The following ARHGEF2 variants were observed in gnomAD, a reference collection of about 807,000 sequenced individuals.
ARHGEF2 encodes the protein rho guanine nucleotide exchange factor 2.
Under a neutral mutation model 121.0 loss-of-function variants are expected in ARHGEF2, and 22 were observed. That is an observed-to-expected ratio of 0.18 (90% CI 0.13 to 0.26). The LOEUF (loss-of-function observed/expected upper bound fraction) is 0.26. ARHGEF2 is among the 10% of genes least tolerant of loss of function. ARHGEF2 has a pLI of 1.00. For missense variants in ARHGEF2, 907 were observed against 1,336.0 expected (o/e 0.68, Z 5.01); for synonymous variants, 487 against 530.0 (o/e 0.92, Z 1.11).
chr1:155,964,676 T>G (rs1678982370), intron 7 of ARHGEF2, among the ~76,000 whole-genome samples: 1 of 151,538 alleles, frequency 6.6e-6, no homozygotes, highest in Admixed American at 6.6e-5. Context: ...TCCCAGCACT[T>G]TGGGAGGCTG....
Position 155,978,114 on chromosome 1 carries a change from T to C in ARHGEF2, c.63+251A>G. 1 of 1,233,400 alleles carries C rather than the reference T, an allele frequency of 8.1e-7. No homozygotes were observed. The highest frequency in any genetic ancestry group is 1.0e-6 in the Non-Finnish European group (1 of 983,024). The allele number at this position is 1,233,400 out of a possible 1,614,324, so 76.4% of individuals were successfully genotyped here. A position where few individuals can be genotyped will look rare whatever the true frequency, so the allele number is the denominator to read the frequency against. ...GCCTAAAGCACTCGGTCCCGCCGGC[T>C]TGGAGGCGACCAAGCCCAGGTCCGC... On this transcript the variant is annotated intron_variant, in intron 1 of 21. Transcript: ENST00000361247. The surrounding 1 kb of genome is among the most constrained non-coding windows in gnomAD (Gnocchi z 4.1).
At position 155,961,868 on chromosome 1, in the gene ARHGEF2, G is replaced by T. The variant is rs1678003694; in HGVS notation, c.1261C>A (p.Leu421Ile). Residue 421 changes from leucine (L) to isoleucine (I), a missense_variant, in exon 11 of 22, where the codon CTA (leucine) becomes ATA (isoleucine). Around this residue, in one of 2 missense-constraint regions of ARHGEF2, gnomAD observed 475 missense variants for 776.5 expected, o/e 0.61. Transcript: ENST00000361247. This position sits in a 1 kb window ranked among gnomAD's most constrained non-coding sequence, Gnocchi z 4.7. ...ERQDLTTALG[L>I]VKELLSNVDE... ...ACATTGGACAGCAGCTCCTTCACTA[G>T]CCCCAGTGCTGTGGTCAGGTCCTGG... is the stretch of plus-strand genomic sequence containing the variant. The T allele has an allele frequency of 6.2e-7, 1 of 1,614,026 alleles. No individual in the cohort carries two copies. The highest frequency in any genetic ancestry group is 1.7e-5 in the Admixed American group (1 of 60,004).
At position 155,952,170 on chromosome 1, in the gene ARHGEF2, C is replaced by G. The variant is rs1485233563; in HGVS notation, c.2050G>C (p.Ala684Pro). The change falls in exon 16 of 22, where the codon GCC (alanine) becomes CCC (proline). Residue 684 changes from alanine to proline, a missense_variant. Physicochemically the swap from Ala to Pro is conservative, Grantham distance 27. Around this residue, in one of 2 missense-constraint regions of ARHGEF2, gnomAD observed 432 missense variants for 559.5 expected, o/e 0.77. Coordinates refer to ENST00000361247, the MANE Select transcript of ARHGEF2 (RefSeq NM_001162383.2). ...CCGCTGTCTGGTTCCAAGGGCAGGG[C>G]TGGCTCTCGGGGTGTCAAGAGCAGT... ...VELLLTPREP[A>P]LPLEPDSGGN... 6.2e-7 allele frequency: 1 copy of G among 1,614,196 alleles called. No individual in the cohort carries two copies. Among genetic ancestry groups the G allele is most frequent in the Middle Eastern group, 1.6e-4 (1 of 6,062 alleles).
Position 155,976,681 on chromosome 1 carries a change from G to A in ARHGEF2, c.63+1684C>T, listed in dbSNP as rs919908127. 2.2e-5 allele frequency among the ~76,000 whole-genome samples: 3 copies of A among 137,662 alleles called. No homozygotes were observed. The East Asian group carries it at 6.3e-4, about 29-fold the overall frequency. 90.3% of individuals were successfully genotyped at this position (137,662 alleles called of 152,430 possible). A position where few individuals can be genotyped will look rare whatever the true frequency, so the allele number is the denominator to read the frequency against. ...CCCCCATGGCTTTCCTTTTTAGGGT[G>A]GAACCAAATTTCTGCGGTTTCAAAA... is the stretch of plus-strand genomic sequence containing the variant. On this transcript the variant is annotated intron_variant, in intron 1 of 21. Transcript: ENST00000361247.
rs1009394259 is a variant in ARHGEF2 at position 155,947,022 on chromosome 1, A to C, written c.*920T>G. 6 of 157,978 alleles carry C rather than the reference A, an allele frequency of 3.8e-5. No homozygotes were observed. The highest frequency in any genetic ancestry group is 8.4e-5 in the Non-Finnish European group (6 of 71,168). The allele number at this position is 157,978 out of a possible 1,614,324, so 9.8% of individuals were successfully genotyped here. Reference sequence around the variant, plus strand: ...TTCAGGTCATGGTTGCTGAGGTGGAAGATGAGGTCAGGGCTCTTGGAGATT... The same window carrying C: ...TTCAGGTCATGGTTGCTGAGGTGGACGATGAGGTCAGGGCTCTTGGAGATT... On this transcript the variant is annotated 3_prime_UTR_variant, in exon 22 of 22. Coordinates refer to ENST00000361247, the MANE Select transcript of ARHGEF2 (RefSeq NM_001162383.2).
Position 155,961,322 on chromosome 1 carries a change from T to A in ARHGEF2, c.1468+339A>T, listed in dbSNP as rs1380833572. Among the ~76,000 whole-genome samples the A allele has an allele frequency of 1.3e-5, 2 of 150,180 alleles. No individual in the cohort carries two copies. Among genetic ancestry groups the A allele is most frequent in the African/African-American group, 4.9e-5 (2 of 40,654 alleles). On this transcript the variant is annotated intron_variant, in intron 11 of 21. Transcript: ENST00000361247. The surrounding 1 kb of genome is among the most constrained non-coding windows in gnomAD (Gnocchi z 4.7). ...TGGAGTCTTGCTGTGTCACCCAGGC[T>A]AGAGTGCAGTGGTGCAATCTGGGCT...
intron 1 of ARHGEF2, chr1:155,970,128 G>A (rs950569176): frequency 1.0e-6 from 1 of 985,256 alleles, no homozygotes; most frequent in African/African-American, 1.7e-5. Context: ...TAAAACCTAG[G>A]AGAGTTTCCT....
In ARHGEF2 at chr1:155,965,869, A is replaced by G; in HGVS notation, c.341-109T>C. The G allele has an allele frequency of 2.3e-6, 3 of 1,311,402 alleles. No homozygotes were observed. The highest frequency in any genetic ancestry group is 3.0e-6 in the Non-Finnish European group (3 of 988,804). The allele number at this position is 1,311,402 out of a possible 1,614,324, so 81.2% of individuals were successfully genotyped here. ...ATGAGGCATCCTCTCACTCCACCTC[A>G]GCCCCTCTAGTCAAGAAAGATGGTA... On this transcript the variant is annotated intron_variant, in intron 4 of 21. Transcript: ENST00000361247. The surrounding 1 kb of genome is among the most constrained non-coding windows in gnomAD (Gnocchi z 6.0).
At chr1:155,977,869 C>T (rs893513391) in intron 1 of ARHGEF2, among the ~76,000 whole-genome samples, 4 of 152,128 alleles carry the variant, frequency 2.6e-5, no homozygotes, top group Non-Finnish European at 5.9e-5. Context: ...TGGGAGGAAG[C>T]CGGGAAACCA....
At position 155,956,346 on chromosome 1, in the gene ARHGEF2, G is replaced by A. The variant is rs571562686; in HGVS notation, c.1715+1367C>T. Among the ~76,000 whole-genome samples the A allele has an allele frequency of 7.2e-5, 11 of 151,802 alleles. No homozygotes were observed. In the East Asian group the frequency reaches 1.9e-3, roughly 27 times the overall value. ...ACTCCTGACCTCAAGTGATCTACCC[G>A]CCTCAGCCTCTCAAAGTGCCGGGAT... On this transcript the variant is annotated intron_variant, in intron 13 of 21. Transcript: ENST00000361247.
At position 155,963,422 on chromosome 1, in the gene ARHGEF2, T is replaced by C. The variant is rs532907526; in HGVS notation, c.725-239A>G. On this transcript the variant is annotated intron_variant, in intron 7 of 21. Coordinates refer to ENST00000361247, the MANE Select transcript of ARHGEF2 (RefSeq NM_001162383.2). ...GTGCAATGGCGCGATCTCAGCTCACTGCAACCTCCACCTCCTAGGTTCGAG... is the reference window on the plus strand; with the variant it reads ...GTGCAATGGCGCGATCTCAGCTCACCGCAACCTCCACCTCCTAGGTTCGAG... Among the ~76,000 whole-genome samples the C allele has an allele frequency of 2.3e-4, 35 of 149,176 alleles. No individual in the cohort carries two copies. The East Asian group carries it at 6.8e-3, about 29-fold the overall frequency.
rs1158351649 is a variant in ARHGEF2, at chr1:155,952,711, G to C, written c.1901C>G (p.Pro634Arg). The C allele has an allele frequency of 6.2e-7, 1 of 1,614,202 alleles. No individual in the cohort carries two copies. Among genetic ancestry groups the C allele is most frequent in the South Asian group, 1.1e-5 (1 of 91,084 alleles). The change falls in exon 15 of 22, where the codon CCC (proline) becomes CGC (arginine). Residue 634 changes from proline to arginine, a missense_variant. By Grantham distance (103) the Pro-to-Arg change is moderately radical. This residue lies in a region of ARHGEF2 where 432 missense variants were observed against 559.5 expected (regional missense o/e 0.77). Coordinates refer to ENST00000361247, the MANE Select transcript of ARHGEF2 (RefSeq NM_001162383.2). ...EEDGGSGMAL[P>R]TLPRGLFRSE... The stretch of plus-strand genomic sequence containing the variant: ...GCGGAAAAGGCCCCTGGGCAGGGTG[G>C]GCAGGGCCATCCCACTGCCACCATC...
chr1:155,972,902 C>T (rs1395535396), intron 1 of ARHGEF2, among the ~76,000 whole-genome samples: 8 of 151,854 alleles, frequency 5.3e-5, no homozygotes, highest in African/African-American at 1.9e-4. Context: ...CAGCGTCTTG[C>T]TATGTTGCCC....
chr1:155,977,071 C>T (rs1681430215), intron 1 of ARHGEF2, among the ~76,000 whole-genome samples: 1 of 152,046 alleles, frequency 6.6e-6, no homozygotes, highest in African/African-American at 2.4e-5. Flanking sequence ...GAGGGCTTTC[C>T]ATCACCCTTA....
rs1195733055 is a variant in ARHGEF2, at chr1:155,978,521, T to C, written c.-94A>G. Reference sequence around the variant, plus strand: ...GGGGAGGGGTTCGGCCCGCACGCGTTGGTCTCGGGGACAGGAAGTCTGACT... The same window carrying C: ...GGGGAGGGGTTCGGCCCGCACGCGTCGGTCTCGGGGACAGGAAGTCTGACT... On this transcript the variant is annotated 5_prime_UTR_variant, in exon 1 of 22. Coordinates refer to ENST00000361247, the MANE Select transcript of ARHGEF2 (RefSeq NM_001162383.2). The surrounding 1 kb of genome is among the most constrained non-coding windows in gnomAD (Gnocchi z 4.1). The C allele has an allele frequency of 7.7e-7, 1 of 1,303,062 alleles. No homozygotes were observed. Among genetic ancestry groups the C allele is most frequent in the Admixed American group, 3.6e-5 (1 of 27,980 alleles). The allele number at this position is 1,303,062 out of a possible 1,614,324, so 80.7% of individuals were successfully genotyped here.
intron 1 of ARHGEF2, among the ~76,000 whole-genome samples, chr1:155,977,798 G>C (rs1018878379): frequency 5.3e-5 from 8 of 152,226 alleles, no homozygotes; most frequent in Non-Finnish European, 1.2e-4. Flanking sequence ...ATCACAGCTG[G>C]AAAGTCCATT....
intron 11 of ARHGEF2, among the ~76,000 whole-genome samples, chr1:155,959,133 C>T (rs542153422): frequency 1.3e-5 from 2 of 152,138 alleles, no homozygotes; most frequent in African/African-American, 4.8e-5. Flanking sequence ...TACATATTAA[C>T]ATAACTCGTG....
chr1:155,979,592 C>T (rs943659275), upstream of ARHGEF2, among the ~76,000 whole-genome samples: 1 of 152,206 alleles, frequency 6.6e-6, no homozygotes, highest in Admixed American at 6.5e-5. Context: ...ACAGAGCCTT[C>T]GGTTAGCAGG....
chr1:155,949,782 C>T (rs530395908), intron 21 of ARHGEF2, among the ~76,000 whole-genome samples: 4 of 152,046 alleles, frequency 2.6e-5, no homozygotes, highest in African/African-American at 9.6e-5. Context: ...GAGGCTGAGG[C>T]AGGAGAATCG....
Sources: allele counts gnomAD v4.1 joint callset (sites outside exome capture counted in the v4.1 genomes callset), GRCh38; gene constraint gnomAD v4.1.1; regional missense constraint gnomAD v4.1.1; non-coding constraint Gnocchi (gnomAD v3.1); transcripts MANE v1.5; gene names NCBI Gene and HGNC (gene_info 2026-07-23, HGNC 2026-07-21).